The following NLRC5 variants were observed in gnomAD, a reference collection of about 807,000 sequenced individuals.
The protein encoded by NLRC5 is protein NLRC5.
NLRC5 carries 114 observed loss-of-function variants against 206.9 expected under a neutral mutation model. That is an observed-to-expected ratio of 0.55 (90% confidence interval 0.47 to 0.64). The LOEUF is 0.64. Ranked by LOEUF, NLRC5 falls within the 30% of genes least tolerant of loss-of-function variation. The probability of loss-of-function intolerance (pLI) is 0.00; values close to 1 mark genes in which losing one functional copy is unlikely to be tolerated. For missense variants in NLRC5, 2,008 were observed against 2,305.5 expected, an observed-to-expected ratio of 0.87 and a Z score of 2.64; for synonymous variants, 952 against 962.8, an observed-to-expected ratio of 0.99 and a Z score of 0.21.
chr16:57,033,559 C>G, intron 11 of NLRC5, 45 bp from the exon 12 acceptor site: 1 of 1,592,734 alleles, frequency 6.3e-7, no homozygotes, highest in South Asian at 1.1e-5. Context: ...TCCACCAGGC[C>G]CTAGATGCCT....
chr16:57,079,014 C>T (rs763316378), intron 43 of NLRC5, 36 bp from the exon 44 acceptor site: 2 of 1,585,686 alleles, frequency 1.3e-6, no homozygotes, highest in Non-Finnish European at 1.7e-6. Context: ...AAACGCCAGT[C>T]CCTCAGGCTC....
At chr16:57,004,590 G>A (rs1468997973) in intron 1 of NLRC5, 6 of 152,300 alleles carry the variant, frequency 3.9e-5, no homozygotes, top group African/African-American at 1.2e-4. Context: ...AGAGGTATGC[G>A]TGCATGTGCA....
At chr16:56,999,072 C>T (rs912757406) in intron 1 of NLRC5, among the ~76,000 whole-genome samples, 4 of 152,206 alleles carry the variant, frequency 2.6e-5, no homozygotes, top group Non-Finnish European at 4.4e-5. Flanking sequence ...TTGCCGATGG[C>T]GGACTTTTCA....
intron 5 of NLRC5, 131 bp downstream of exon 5, chr16:57,023,984 A>G: frequency 7.2e-6 from 6 of 835,858 alleles, no homozygotes; most frequent in Non-Finnish European, 1.1e-5. Context: ...GCAAGTTTCC[A>G]GGAGAAAAGG....
At chr16:57,020,625 G>A in intron 2 of NLRC5, 76 bp from the exon 3 acceptor site, 1 of 519,088 alleles carries the variant, frequency 1.9e-6, no homozygotes, top group Non-Finnish European at 2.7e-6. Flanking sequence ...CTCCCCCCAA[G>A]TTCCCCTGTC....
At chr16:57,039,524 C>A (rs1415126550) in intron 15 of NLRC5, among the ~76,000 whole-genome samples, 1 of 151,582 alleles carries the variant, frequency 6.6e-6, no homozygotes, top group Non-Finnish European at 1.5e-5. Flanking sequence ...AGTTCGAGAC[C>A]AGAGTAGACA....
At chr16:57,057,838 G>A (rs1249260773) in intron 27 of NLRC5, among the ~76,000 whole-genome samples, 1 of 152,020 alleles carries the variant, frequency 6.6e-6, no homozygotes, top group Admixed American at 6.5e-5. Flanking sequence ...GTAGAATTGT[G>A]GTGATAATGA....
chr16:57,069,447 A>C (rs1268750052), intron 36 of NLRC5, among the ~76,000 whole-genome samples: 1 of 152,232 alleles, frequency 6.6e-6, no homozygotes, highest in South Asian at 2.1e-4. Flanking sequence ...CAAAAAATAA[A>C]TAAATAAAAT....
intron 24 of NLRC5, 142 bp from the exon 25 acceptor site, chr16:57,054,609 A>G (rs1012490803): frequency 1.4e-6 from 1 of 725,516 alleles, no homozygotes; most frequent in Non-Finnish European, 2.6e-6. Flanking sequence ...CCTCAGCCCT[A>G]TTTGTGCCTC....
intron 32 of NLRC5, 176 bp downstream of exon 32, chr16:57,061,877 C>G (rs1404271346): frequency 6.5e-7 from 1 of 1,535,106 alleles, no homozygotes; most frequent in African/African-American, 1.4e-5. Flanking sequence ...ACAAGGCACA[C>G]AGAGAAACTG....
At chr16:57,038,262 A>G (rs1460272891) in intron 15 of NLRC5, among the ~76,000 whole-genome samples, 1 of 152,122 alleles carries the variant, frequency 6.6e-6, no homozygotes, top group Non-Finnish European at 1.5e-5. Flanking sequence ...AAGTAAACAT[A>G]AAGAAATTTC....
At chr16:57,045,198 C>A (rs1228722446) in intron 20 of NLRC5, 3 of 486,380 alleles carry the variant, frequency 6.2e-6, no homozygotes, top group Admixed American at 3.2e-5. Flanking sequence ...CAGAGCAAGA[C>A]CCTTTCTTCG....
intron 48 of NLRC5, 35 bp from the exon 49 acceptor site, chr16:57,082,382 G>A (rs1305686881): frequency 1.3e-6 from 2 of 1,496,208 alleles, no homozygotes; most frequent in South Asian, 2.3e-5. Context: ...GCAAAGATGG[G>A]AGGATGAATG....
rs1174945470 is a variant in NLRC5 at position 57,055,496 on chromosome 16, G to A, written c.3723G>A (p.Lys1241=). The A allele has an allele frequency of 1.9e-6, 3 of 1,613,766 alleles. No homozygotes were observed. Among genetic ancestry groups the A allele is most frequent in the African/African-American group, 1.3e-5 (1 of 74,916 alleles). ...HVESLCWLLS[K]CKDLSQVDLS... is the part of the protein sequence containing the mutation. ...AGTCACTCTGCTGGTTGCTGAGCAA[G>A]TGTAAAGACCTCAGCCAGGTGGAGT... The change falls in exon 27 of 49, where the codon AAG becomes AAA. Residue 1241 remains lysine (K), a synonymous_variant. Transcript: ENST00000688547.
intron 3 of NLRC5, 54 bp from the exon 4 acceptor site, chr16:57,022,201 TC>T: frequency 6.6e-7 from 1 of 1,508,672 alleles, no homozygotes; most frequent in Non-Finnish European, 9.2e-7. Flanking sequence ...CCAGAGCTGG[TC>T]CCCAGCATCC....
rs1297680061 is a variant in NLRC5, at chr16:57,070,569, A to G, written c.4618A>G (p.Lys1540Glu). The G allele has an allele frequency of 6.2e-7, 1 of 1,614,034 alleles. No homozygotes were observed. The highest frequency in any genetic ancestry group is 1.3e-5 in the African/African-American group (1 of 74,942). Residue 1540 changes from lysine to glutamate, a missense_variant, in exon 38 of 49, where the codon AAG becomes GAG. Physicochemically the swap from Lys to Glu is moderately conservative, Grantham distance 56. Coordinates refer to ENST00000688547, the MANE Select transcript of NLRC5 (RefSeq NM_001384950.1). The stretch of plus-strand genomic sequence containing the variant: ...CAATCAATTTGATGAGGAGGGCACC[A>G]AGGCGCTGATGAGGGCCCTTGAGGG... ...SNNQFDEEGT[K>E]ALMRALEGKW...
intron 1 of NLRC5, among the ~76,000 whole-genome samples, chr16:56,991,678 CTTTTTTTTTT>C: frequency 9.5e-6 from 1 of 105,632 alleles, no homozygotes; most frequent in Non-Finnish European, 1.8e-5. Flanking sequence ...GCCCGGACTC[CTTTTTTTTTT>C]TTTTTTTTTT....
In NLRC5 at chr16:57,059,525, A is replaced by G. The variant is rs1232019405; in HGVS notation, c.3979A>G (p.Thr1327Ala). The G allele has an allele frequency of 3.7e-6, 6 of 1,611,254 alleles. No homozygotes were observed. Among genetic ancestry groups the G allele is most frequent in the Non-Finnish European group, 5.1e-6 (6 of 1,178,598 alleles). ...CTCCAGAGAGGACCAGGCTGGGAAG[A>G]CACTCAGGTAATCCCTGCAGGGTGA... ...HFSREDQAGK[T>A]LRLSECSFRP... is the part of the protein sequence containing the mutation. Residue 1327 changes from threonine (T) to alanine (A), a missense_variant, in exon 30 of 49, where the codon ACA (threonine) becomes GCA (alanine). Physicochemically the swap from Thr to Ala is moderately conservative, Grantham distance 58. Coordinates refer to ENST00000688547, the MANE Select transcript of NLRC5 (RefSeq NM_001384950.1).
chr16:57,077,608 G>A (rs975576837), intron 41 of NLRC5, 111 bp from the exon 42 acceptor site: 54 of 1,109,072 alleles, frequency 4.9e-5, no homozygotes, highest in Non-Finnish European at 5.8e-5. Context: ...GTGTGGTGTC[G>A]GGGGGTTGTC....
Sources: allele counts gnomAD v4.1 joint callset (sites outside exome capture counted in the v4.1 genomes callset), GRCh38; gene constraint gnomAD v4.1.1; transcripts MANE v1.5; gene names NCBI Gene and HGNC (gene_info 2026-07-23, HGNC 2026-07-21).